ADGRD1: variants seen among roughly 807,000 people sequenced by gnomAD.
The protein encoded by ADGRD1 is G-protein coupled receptor 133.
ADGRD1 carries 77 observed loss-of-function variants against 113.4 expected under a neutral mutation model. The observed-to-expected ratio is 0.68, with a 90% CI of 0.57 to 0.82. The LOEUF (loss-of-function observed/expected upper bound fraction) is 0.82, where lower values mean the gene tolerates loss of function less well. Ranked by LOEUF, ADGRD1 falls within the 40% of genes least tolerant of loss-of-function variation. ADGRD1 has a pLI of 0.00. For synonymous variants in ADGRD1, 474 were observed against 475.0 expected (o/e 1.00, Z 0.03); for missense variants, 1,036 against 1,139.1 (o/e 0.91, Z 1.30).
chr12:131,064,408 T>C (rs1884559404), intron 13 of ADGRD1, among the ~76,000 whole-genome samples: 2 of 152,250 alleles, frequency 1.3e-5, no homozygotes. Flanking sequence ...GATATGATCA[T>C]GTGATTTTTC....
intron 13 of ADGRD1, among the ~76,000 whole-genome samples, chr12:131,029,516 C>T (rs1880367850): frequency 6.6e-6 from 1 of 151,796 alleles, no homozygotes; most frequent in Non-Finnish European, 1.5e-5. Flanking sequence ...TTCCCAGGCT[C>T]TGGGATTAGG....
chr12:131,084,921 C>T lies in ADGRD1; in HGVS notation c.1671+258C>T, dbSNP rs772346308. On this transcript the variant is annotated intron_variant, in intron 15 of 24. Transcript: ENST00000261654. The surrounding 1 kb of genome is among the most constrained non-coding windows in gnomAD (Gnocchi z 4.5). ...GTGGTGTGCTTCGCACAGCAACGCC[C>T]AGACTGCACCTGGGGGGATCCAAGG... 5.3e-5 allele frequency among the ~76,000 whole-genome samples: 8 copies of T among 152,206 alleles called. No individual in the cohort carries two copies. The East Asian group carries it at 1.5e-3, about 29-fold the overall frequency.
At position 131,000,764 on chromosome 12, in the gene ADGRD1, A is replaced by AAG. The variant is rs1368710254; in HGVS notation, c.1026+334_1026+335dup. Among the ~76,000 whole-genome samples, 12 of 151,246 alleles carry AAG rather than the reference A, an allele frequency of 7.9e-5. No homozygotes were observed. In the South Asian group the frequency reaches 8.4e-4, roughly 11 times the overall value. On this transcript the variant is annotated intron_variant, in intron 9 of 24. Transcript: ENST00000261654. ...TCAAAAAACAAAAAAAAAAAAAAAA[A>AAG]AGAGAGAGAGAGAAAAGAACATTTT... is the stretch of plus-strand genomic sequence containing the variant.
intron 5 of ADGRD1, among the ~76,000 whole-genome samples, chr12:130,983,187 T>A (rs895098105): frequency 2.0e-5 from 3 of 152,056 alleles, no homozygotes; most frequent in Non-Finnish European, 4.4e-5. Context: ...CATCATAGGG[T>A]GACTGTGAGA....
chr12:130,955,720 C>T (rs1416543927), intron 2 of ADGRD1, among the ~76,000 whole-genome samples: 2 of 152,212 alleles, frequency 1.3e-5, no homozygotes, highest in East Asian at 1.9e-4. Context: ...TGGGCACCCC[C>T]CCGAGCGCTA....
rs749684283 is a variant in ADGRD1 at position 131,139,204 on chromosome 12, C to T, written c.2566C>T (p.Leu856Phe). ...CCGGCCAGGCATGGCCTCCACCAAG[C>T]TCAGCCCTTGGGACAAGAGCAGCCA... ...GTRPGMASTK[L>F]SPWDKSSHSA... Residue 856 changes from leucine (L) to phenylalanine (F), a missense_variant, in exon 25 of 25, where the codon CTC (leucine) becomes TTC (phenylalanine). By Grantham distance (22) the Leu-to-Phe change is conservative. Transcript: ENST00000261654. 6.2e-7 allele frequency: 1 copy of T among 1,613,128 alleles called. No individual in the cohort carries two copies. Among genetic ancestry groups the T allele is most frequent in the South Asian group, 1.1e-5 (1 of 91,044 alleles).
At chr12:130,967,400 C>T (rs918511831) in intron 3 of ADGRD1, 17 of 170,174 alleles carry the variant, frequency 1.0e-4, no homozygotes, top group Admixed American at 2.8e-4. Context: ...TTTTAAAAAC[C>T]GTAAGCTTTG....
intron 15 of ADGRD1, among the ~76,000 whole-genome samples, chr12:131,091,706 G>A (rs1886920035): frequency 6.8e-6 from 1 of 147,166 alleles, no homozygotes; most frequent in African/African-American, 2.5e-5. Flanking sequence ...GTGGGCCGGG[G>A]CGAGGAGGGG....
intron 2 of ADGRD1, among the ~76,000 whole-genome samples, chr12:130,964,555 G>A (rs1284401854): frequency 1.3e-5 from 2 of 151,998 alleles, no homozygotes; most frequent in African/African-American, 2.4e-5. Flanking sequence ...CATGGTGGTC[G>A]GTGCCTGTAA....
At chr12:131,090,507 G>A (rs1886839890) in intron 15 of ADGRD1, among the ~76,000 whole-genome samples, 2 of 152,074 alleles carry the variant, frequency 1.3e-5, no homozygotes, top group East Asian at 1.9e-4. Context: ...CGGTTGTTTC[G>A]GGAAGCCCTC....
At chr12:130,985,831 C>T (rs1245351635) in intron 5 of ADGRD1, among the ~76,000 whole-genome samples, 3 of 152,194 alleles carry the variant, frequency 2.0e-5, no homozygotes, top group African/African-American at 2.4e-5. Context: ...AGGTTACAGG[C>T]GTGAGCCACT....
intron 23 of ADGRD1, 130 bp from the exon 24 acceptor site, chr12:131,138,007 T>G (rs1356032523): frequency 2.8e-5 from 20 of 715,482 alleles, no homozygotes; most frequent in Non-Finnish European, 2.5e-5. Flanking sequence ...AGCCAGCAGC[T>G]CCGACTCATA....
At position 131,084,512 on chromosome 12, in the gene ADGRD1, CCT is replaced by C. The variant is rs759547331; in HGVS notation, c.1548-25_1548-24del. The C allele has an allele frequency of 6.2e-7, 1 of 1,613,882 alleles. No individual in the cohort carries two copies. The highest frequency in any genetic ancestry group is 8.5e-7 in the Non-Finnish European group (1 of 1,179,952). On this transcript the variant is annotated intron_variant, in intron 14 of 24. Coordinates refer to ENST00000261654, the MANE Select transcript of ADGRD1 (RefSeq NM_198827.5). This position sits in a 1 kb window ranked among gnomAD's most constrained non-coding sequence, Gnocchi z 4.5. ...GCCTGCCAAGGGTGCGGTGCTACCT[CCT>C]CTGATCCTTTCTCCTGTGTCCTCAG...
chr12:131,131,421 C>T lies in ADGRD1; in HGVS notation c.2176-304C>T, dbSNP rs574695461. On this transcript the variant is annotated intron_variant, in intron 20 of 24. Coordinates refer to ENST00000261654, the MANE Select transcript of ADGRD1 (RefSeq NM_198827.5). ...GGTGAGTTGCCCAGGGTCACACTAA[C>T]GAAGCAAATGCTAAGATGAGGTCTG... 1.5e-4 allele frequency among the ~76,000 whole-genome samples: 23 copies of T among 152,354 alleles called. No individual in the cohort carries two copies. In the South Asian group the frequency reaches 4.1e-3, roughly 27 times the overall value.
At chr12:131,012,475 C>T (rs1006031284) in intron 12 of ADGRD1, among the ~76,000 whole-genome samples, 4 of 152,106 alleles carry the variant, frequency 2.6e-5, no homozygotes, top group South Asian at 2.1e-4. Context: ...GTCGCTTCTG[C>T]GGGAACAGAC....
At chr12:131,047,296 G>A (rs1035823138) in intron 13 of ADGRD1, among the ~76,000 whole-genome samples, 5 of 152,224 alleles carry the variant, frequency 3.3e-5, no homozygotes, top group Admixed American at 1.3e-4. Flanking sequence ...CTGGAGGAGG[G>A]GAGTCAGGTG....
At chr12:131,123,931 A>G (rs1725788) in intron 20 of ADGRD1, among the ~76,000 whole-genome samples, 25,756 of 152,232 alleles carry the variant, frequency 0.17, 2,663 homozygotes, top group Non-Finnish European at 0.23. Flanking sequence ...GCACACAGCC[A>G]CGTCCATTGA....
intron 14 of ADGRD1, among the ~76,000 whole-genome samples, chr12:131,079,636 A>G (rs1030412213): frequency 6.6e-6 from 1 of 152,214 alleles, no homozygotes; most frequent in Admixed American, 6.5e-5. Context: ...TTTCAACTAC[A>G]CATTCAGTTT....
At chr12:130,963,342 AGAAAG>A (rs1384218998) in intron 2 of ADGRD1, among the ~76,000 whole-genome samples, 59 of 123,478 alleles carry the variant, frequency 4.8e-4, no homozygotes, top group South Asian at 4.0e-3. Flanking sequence ...AAAAAAAAAA[AGAAAG>A]AAAAATTCAA....
Sources: allele counts gnomAD v4.1 joint callset (sites outside exome capture counted in the v4.1 genomes callset), GRCh38; gene constraint gnomAD v4.1.1; non-coding constraint Gnocchi (gnomAD v3.1); transcripts MANE v1.5; gene names NCBI Gene and HGNC (gene_info 2026-07-23, HGNC 2026-07-21).